Variants in CCDC66 observed in about 807,000 individuals in gnomAD.
CCDC66 encodes coiled-coil domain-containing protein 66.
In CCDC66, 133 loss-of-function variants were observed where a neutral mutation model predicts 128.3. The observed-to-expected ratio is 1.04, with a 90% confidence interval of 0.90 to 1.20. CCDC66 has a LOEUF of 1.20. Among genes scored for constraint, CCDC66 ranks in the 50% most tolerant of loss-of-function variants. CCDC66 has a pLI of 0.00. For missense variants in CCDC66, 1,126 were observed against 1,075.5 expected (o/e 1.05, Z -0.66); for synonymous variants, 387 against 357.0 (o/e 1.08, Z -0.95).
intron 2 of CCDC66, among the ~76,000 whole-genome samples, chr3:56,559,341 T>C (rs2064794049): frequency 6.6e-6 from 1 of 152,156 alleles, no homozygotes; most frequent in Non-Finnish European, 1.5e-5. Context: ...TTCGCATTTT[T>C]TTTTCTGTTT....
intron 10 of CCDC66, among the ~76,000 whole-genome samples, chr3:56,598,931 T>A (rs1199761205): frequency 6.6e-6 from 1 of 152,070 alleles, no homozygotes; most frequent in African/African-American, 2.4e-5. Flanking sequence ...AATGCTGGCC[T>A]CACAGAATGA....
chr3:56,583,232 C>G (rs900925346), intron 7 of CCDC66, among the ~76,000 whole-genome samples: 3 of 151,852 alleles, frequency 2.0e-5, no homozygotes, highest in Non-Finnish European at 1.5e-5. Context: ...AAGGATAGTA[C>G]AGAAGACATT....
intron 8 of CCDC66, among the ~76,000 whole-genome samples, 166 bp from the exon 9 acceptor site, chr3:56,593,325 C>G (rs1177128495): frequency 2.6e-5 from 4 of 152,118 alleles, no homozygotes; most frequent in Admixed American, 1.3e-4. Flanking sequence ...ATTTTCAAAG[C>G]TAGTGATCTA....
chr3:56,610,731 T>C (rs931430608), intron 10 of CCDC66, among the ~76,000 whole-genome samples: 1 of 151,934 alleles, frequency 6.6e-6, no homozygotes, highest in Non-Finnish European at 1.5e-5. Flanking sequence ...GGCTGAAGAG[T>C]GTTGTTCAGA....
At position 56,557,211 on chromosome 3, in the gene CCDC66, A is replaced by G. The variant is rs921082039; in HGVS notation, c.-32A>G. On this transcript the variant is annotated 5_prime_UTR_variant, in exon 1 of 18. Coordinates refer to ENST00000394672, the MANE Select transcript of CCDC66 (RefSeq NM_001141947.3). ...GCAACCGACGTACACAAGGGGCTTGAGCGTTCTGTGGAGAGAGTGCGAGGT... is the reference window on the plus strand; with the variant it reads ...GCAACCGACGTACACAAGGGGCTTGGGCGTTCTGTGGAGAGAGTGCGAGGT... The G allele has an allele frequency of 6.4e-7, 1 of 1,550,910 alleles. No individual in the cohort carries two copies.
intron 6 of CCDC66, chr3:56,569,989 C>T (rs1419473617): frequency 6.6e-6 from 1 of 152,200 alleles, no homozygotes; most frequent in East Asian, 1.9e-4. Flanking sequence ...CACCTGCCAC[C>T]ATGCCCAACT....
chr3:56,600,202 G>A (rs2072911678), intron 10 of CCDC66, among the ~76,000 whole-genome samples: 1 of 146,216 alleles, frequency 6.8e-6, no homozygotes. Flanking sequence ...AGGCTGGAGT[G>A]CAGTGGTGCA....
intron 8 of CCDC66, 58 bp downstream of exon 8, chr3:56,593,159 A>G (rs561883045): frequency 1.4e-5 from 19 of 1,344,804 alleles, no homozygotes; most frequent in African/African-American, 1.0e-4. Context: ...TCTTTAATCA[A>G]TTAAAACTAG....
Position 56,617,165 on chromosome 3 carries a change from A to G in CCDC66, c.1897A>G (p.Met633Val), listed in dbSNP as rs769934337. The G allele has an allele frequency of 1.4e-5, 22 of 1,609,314 alleles. No individual in the cohort carries two copies. The highest frequency in any genetic ancestry group is 1.8e-5 in the Non-Finnish European group (21 of 1,178,054). ...TNAESHCGSL[M>V]ERDITNCSSP... ...TGCAGAATCACATTGTGGATCATTAATGGAGAGGGACATCACAAATTGTTC... is the reference window on the plus strand; with the variant it reads ...TGCAGAATCACATTGTGGATCATTAGTGGAGAGGGACATCACAAATTGTTC... Residue 633 changes from methionine (M) to valine (V), a missense_variant, in exon 14 of 18, where the codon ATG becomes GTG. Transcript: ENST00000394672.
Position 56,581,195 on chromosome 3 carries a change from A to G in CCDC66, c.936+9893A>G, listed in dbSNP as rs139607242. ...TGATACCCTTTCTTCCACTTGATCA[A>G]ATTAGCTACTGAAGCTTGTGCATTT... On this transcript the variant is annotated intron_variant, in intron 7 of 17. Transcript: ENST00000394672. Among the ~76,000 whole-genome samples the G allele has an allele frequency of 2.9e-3, 433 of 151,918 alleles. 6 individuals are homozygous for G. Among genetic ancestry groups the G allele is most frequent in the African/African-American group, 0.01 (419 of 41,538 alleles).
intron 1 of CCDC66, 139 bp downstream of exon 1, chr3:56,557,392 C>G (rs1577158453): frequency 2.5e-6 from 3 of 1,176,628 alleles, no homozygotes; most frequent in South Asian, 3.0e-5. Context: ...GGGCAGAGCC[C>G]AGTTCTCGGG....
chr3:56,593,470 ATTC>A lies in CCDC66; in HGVS notation c.1069-18_1069-16del, dbSNP rs2071303307. 6.2e-7 allele frequency: 1 copy of A among 1,604,730 alleles called. No homozygotes were observed. The highest frequency in any genetic ancestry group is 8.5e-7 in the Non-Finnish European group (1 of 1,174,224). ...AGAATAATTGGAAAAATTCTTAGCAATTCTTATTTGTCATCATTAGGGTGAGGA... is the reference window on the plus strand; with the variant it reads ...AGAATAATTGGAAAAATTCTTAGCAATTATTTGTCATCATTAGGGTGAGGA... On this transcript the variant is annotated intron_variant, in intron 8 of 17. Coordinates refer to ENST00000394672, the MANE Select transcript of CCDC66 (RefSeq NM_001141947.3).
At position 56,617,098 on chromosome 3, in the gene CCDC66, C is replaced by A; in HGVS notation, c.1844-14C>A. On this transcript the variant is annotated splice_polypyrimidine_tract_variant and intron_variant, in intron 13 of 17. Coordinates refer to ENST00000394672, the MANE Select transcript of CCDC66 (RefSeq NM_001141947.3). ...GTTTACAATTTTTAAAAATCATTTG[C>A]AACTTTTTTTTAGATGACTTAAATA... The A allele has an allele frequency of 6.7e-7, 1 of 1,492,002 alleles. No homozygotes were observed. 92.4% of individuals were successfully genotyped at this position (1,492,002 alleles called of 1,614,324 possible).
chr3:56,580,641 A>G (rs1307342512), intron 7 of CCDC66, among the ~76,000 whole-genome samples: 1 of 151,736 alleles, frequency 6.6e-6, no homozygotes, highest in East Asian at 2.0e-4. Flanking sequence ...TTTGTTTGTA[A>G]AGGATTTTAT....
intron 14 of CCDC66, 52 bp from the exon 15 acceptor site, chr3:56,618,119 GA>G: frequency 7.5e-7 from 1 of 1,339,798 alleles, no homozygotes; most frequent in South Asian, 1.2e-5. Flanking sequence ...TATTTGTGGG[GA>G]CATGTGAAGA....
chr3:56,563,435 G>T, intron 3 of CCDC66: 11 of 373,348 alleles, frequency 2.9e-5, no homozygotes, highest in Non-Finnish European at 5.2e-5. Flanking sequence ...ATAATCTAAT[G>T]ACATAAGATT....
intron 7 of CCDC66, among the ~76,000 whole-genome samples, chr3:56,589,927 A>G (rs1196383188): frequency 3.9e-5 from 6 of 152,204 alleles, no homozygotes; most frequent in African/African-American, 7.2e-5. Flanking sequence ...TTAAACCTCT[A>G]TGGGCCCTCT....
chr3:56,593,113 G>A lies in CCDC66; in HGVS notation c.1068+12G>A, dbSNP rs1274153043. ...TTATATATTCAAAGGTAACTTATGA[G>A]GTTTTGTGGCTATAAAAGAAAAAAT... On this transcript the variant is annotated intron_variant, in intron 8 of 17. Transcript: ENST00000394672. 6.5e-7 allele frequency: 1 copy of A among 1,548,578 alleles called. No homozygotes were observed. Among genetic ancestry groups the A allele is most frequent in the Non-Finnish European group, 8.7e-7 (1 of 1,144,872 alleles).
chr3:56,592,745 T>C (rs2071147066), intron 7 of CCDC66, among the ~76,000 whole-genome samples: 1 of 152,166 alleles, frequency 6.6e-6, no homozygotes, highest in South Asian at 2.1e-4. Flanking sequence ...TACACTTAGA[T>C]ATCTTATTAT....
Sources: gnomAD v4.1 joint callset for allele counts (sites outside exome capture counted in the v4.1 genomes callset) on GRCh38, gnomAD v4.1.1 for gene constraint, MANE v1.5 for transcripts, NCBI Gene and HGNC (gene_info 2026-07-23, HGNC 2026-07-21) for gene names.